TEDC1: variants seen among roughly 807,000 people sequenced by gnomAD.
TEDC1 encodes tubulin epsilon and delta complex protein 1.
A neutral mutation model predicts 59.9 loss-of-function variants in TEDC1; 54 were observed. The ratio of observed to expected loss-of-function variants is 0.90; its 90% CI spans 0.72 to 1.13. The LOEUF is 1.13. Among genes scored for constraint, TEDC1 ranks in the 50% most tolerant of loss-of-function variants. TEDC1 has a pLI of 0.00. For synonymous variants in TEDC1, 353 were observed against 298.1 expected (o/e 1.18, Z -1.90); for missense variants, 734 against 683.4 (o/e 1.07, Z -0.83).
rs782145151 is a variant in TEDC1, at chr14:105,497,937, G to A, written c.1118G>A (p.Arg373Gln). The A allele has an allele frequency of 1.2e-5, 19 of 1,546,522 alleles. No homozygotes were observed. Among genetic ancestry groups the A allele is most frequent in the East Asian group, 7.3e-5 (3 of 41,072 alleles). The change falls in exon 8 of 9, where the codon CGG becomes CAG. Residue 373 changes from arginine (R) to glutamine (Q), a missense_variant. Transcript: ENST00000392523. ...CTGCAGGCACTGGAGGAGGAGCTGC[G>A]GGAGGCTGCGGAGCGCAGGCGGGCG... Reference protein sequence around the residue: ...RELQALEEELREAAERRRAAW... With the variant: ...RELQALEEELQEAAERRRAAW...
intron 6 of TEDC1, chr14:105,496,773 C>G (rs587720773): frequency 6.3e-6 from 1 of 159,662 alleles, no homozygotes; most frequent in Non-Finnish European, 1.4e-5. Context: ...CCCTGCCTGA[C>G]CCTTCACTTG....
rs782791968 is a variant in TEDC1, at chr14:105,497,872, C to T, written c.1053C>T (p.Pro351=). 367 of 1,562,924 alleles carry T rather than the reference C, an allele frequency of 2.3e-4. No homozygotes were observed. Among genetic ancestry groups the T allele is most frequent in the Admixed American group, 5.0e-4 (26 of 52,220 alleles). Residue 351 remains proline, a synonymous_variant, in exon 8 of 9, where the codon CCC becomes CCT. Transcript: ENST00000392523. Reference sequence around the variant, plus strand: ...AGCCCACCTTCCTGCCCTGGGTCCCCGAGCGCGGGGGTGGCGAGTTGGACC... The same window carrying T: ...AGCCCACCTTCCTGCCCTGGGTCCCTGAGCGCGGGGGTGGCGAGTTGGACC... ...ASQPTFLPWV[P]ERGGGELDLV...
chr14:105,490,559 C>T (rs1395086864), upstream of TEDC1: 1 of 152,316 alleles, frequency 6.6e-6, no homozygotes, highest in Non-Finnish European at 1.5e-5. Flanking sequence ...CGGCTTCCTC[C>T]GGGGCTGCTC....
intron 8 of TEDC1, among the ~76,000 whole-genome samples, 181 bp downstream of exon 8, chr14:105,498,158 C>T (rs781977254): frequency 2.0e-5 from 3 of 152,210 alleles, no homozygotes; most frequent in African/African-American, 4.8e-5. Context: ...GCAGCTGCTG[C>T]GAGACAGCCC....
rs587620649 is a variant in TEDC1, at chr14:105,494,218, G to A, written c.684+285G>A. The A allele has an allele frequency of 2.9e-3, 1,517 of 516,710 alleles. 7 individuals carry two copies. The highest frequency in any genetic ancestry group is 4.4e-3 in the Non-Finnish European group (1,235 of 283,438). The allele number at this position is 516,710 out of a possible 1,614,324, so 32.0% of individuals were successfully genotyped here. A position where few individuals can be genotyped will look rare whatever the true frequency, so the allele number is the denominator to read the frequency against. ...TGGGCTGGGCAGGCAGCTGGCTAAGGGCAGGCTGTTGGAATAAAGGAACAC... is the reference window on the plus strand; with the variant it reads ...TGGGCTGGGCAGGCAGCTGGCTAAGAGCAGGCTGTTGGAATAAAGGAACAC... On this transcript the variant is annotated intron_variant, in intron 5 of 8. Coordinates refer to ENST00000392523, the MANE Select transcript of TEDC1 (RefSeq NM_001367178.1).
rs2084385298 is a variant in TEDC1, at chr14:105,497,965, C to T, written c.1146C>T (p.Ala382=). Reference sequence around the variant, plus strand: ...AGGCTGCGGAGCGCAGGCGGGCGGCCTGGGAGGCCAAGGTGAGTGCCAGCC... The same window carrying T: ...AGGCTGCGGAGCGCAGGCGGGCGGCTTGGGAGGCCAAGGTGAGTGCCAGCC... ...LREAAERRRA[A]WEAKAGGCGR... The change falls in exon 8 of 9, where the codon GCC becomes GCT. Residue 382 remains alanine, a synonymous_variant. Coordinates refer to ENST00000392523, the MANE Select transcript of TEDC1 (RefSeq NM_001367178.1). 1 of 1,531,480 alleles carries T rather than the reference C, an allele frequency of 6.5e-7. No individual in the cohort carries two copies. Among genetic ancestry groups the T allele is most frequent in the South Asian group, 1.2e-5 (1 of 83,140 alleles). 94.9% of individuals were successfully genotyped at this position (1,531,480 alleles called of 1,614,324 possible).
chr14:105,492,155 C>T lies in TEDC1; in HGVS notation c.275C>T (p.Pro92Leu), dbSNP rs781965220. Residue 92 changes from proline to leucine, a missense_variant, in exon 3 of 9, where the codon CCG becomes CTG. By Grantham distance (98) the Pro-to-Leu change is moderately conservative. Transcript: ENST00000392523. ...VKSALCSQGY[P>L]RLALAQLPED... ...TCAGCACTATGCTCCCAGGGCTACC[C>T]GAGGCTGGCACTGGCACAACTACCT... The T allele has an allele frequency of 4.9e-5, 79 of 1,612,752 alleles. No individual in the cohort carries two copies. In the Admixed American group the frequency reaches 6.0e-4, roughly 12 times the overall value.
At chr14:105,490,774 G>A (rs1478511837), upstream of TEDC1, 9 of 518,452 alleles carry the variant, frequency 1.7e-5, no homozygotes, top group East Asian at 3.6e-5. Flanking sequence ...CCTGGAAGGC[G>A]GCGCGATGGG....
Position 105,496,930 on chromosome 14 carries a change from C to A in TEDC1, c.892-427C>A. ...CTTGCTCCTTCGTTTGGGGCCTCCC[C>A]GTCCGCCTGCAGTCCCCGGATACAG... On this transcript the variant is annotated intron_variant, in intron 6 of 8. Coordinates refer to ENST00000392523, the MANE Select transcript of TEDC1 (RefSeq NM_001367178.1). 1.3e-5 allele frequency: 3 copies of A among 232,818 alleles called. 1 individual carries two copies. The South Asian group carries it at 1.6e-4, about 13-fold the overall frequency. 14.4% of individuals were successfully genotyped at this position (232,818 alleles called of 1,614,324 possible).
Position 105,497,994 on chromosome 14 carries a change from C to T in TEDC1, c.1158+17C>T. 1.3e-6 allele frequency: 2 copies of T among 1,503,690 alleles called. No individual in the cohort carries two copies. Among genetic ancestry groups the T allele is most frequent in the South Asian group, 1.2e-5 (1 of 80,606 alleles). The allele number at this position is 1,503,690 out of a possible 1,614,324, so 93.1% of individuals were successfully genotyped here. On this transcript the variant is annotated intron_variant, in intron 8 of 8. Transcript: ENST00000392523. ...GAGGCCAAGGTGAGTGCCAGCCTCGCTCTGGGCACCAGCCCAGCCCCACCT... is the reference window on the plus strand; with the variant it reads ...GAGGCCAAGGTGAGTGCCAGCCTCGTTCTGGGCACCAGCCCAGCCCCACCT...
rs200624465 is a variant in TEDC1 at position 105,498,788 on chromosome 14, C to T, written c.1330C>T (p.Arg444Trp). 4.4e-4 allele frequency: 702 copies of T among 1,580,158 alleles called. 3 individuals are homozygous for T. The highest frequency in any genetic ancestry group is 2.5e-3 in the South Asian group (219 of 86,652). The stretch of plus-strand genomic sequence containing the variant: ...ACGAGAGGATGGGGCAGCAGGGGAC[C>T]GGGACCTGCGGGCAGCTGTGGTGAT... ...VRREDGAAGD[R>W]DLRAAVVIRT... The change falls in exon 9 of 9, where the codon CGG (arginine) becomes TGG (tryptophan). Residue 444 changes from arginine to tryptophan, a missense_variant. Transcript: ENST00000392523.
intron 8 of TEDC1, among the ~76,000 whole-genome samples, chr14:105,498,200 T>C (rs587611418): frequency 6.6e-6 from 1 of 152,324 alleles, no homozygotes; most frequent in East Asian, 1.9e-4. Context: ...TGTTGTCTGA[T>C]TCTTTGCATG....
chr14:105,491,026 T>G (rs960362199), upstream of TEDC1: 9 of 1,550,606 alleles, frequency 5.8e-6, no homozygotes, highest in Admixed American at 2.0e-5. Flanking sequence ...CAGAATAGAC[T>G]ACACTCAAAC....
chr14:105,491,998 A>G (rs1198696440), intron 2 of TEDC1, 109 bp from the exon 3 acceptor site: 2 of 1,175,512 alleles, frequency 1.7e-6, no homozygotes, highest in Non-Finnish European at 2.4e-6. Context: ...TCTCTTCTGA[A>G]CTAGGCCTTG....
rs587609352 is a variant in TEDC1 at position 105,497,704 on chromosome 14, G to A, written c.979-94G>A. 3.6e-5 allele frequency: 50 copies of A among 1,406,232 alleles called. No individual in the cohort carries two copies. In the South Asian group the frequency reaches 4.8e-4, roughly 13 times the overall value. The allele number at this position is 1,406,232 out of a possible 1,614,324, so 87.1% of individuals were successfully genotyped here. ...TTGCTGAGATGGTGGCATCCAGCCC[G>A]CTGTGGGACCTGGGGGACTACCACT... is the stretch of plus-strand genomic sequence containing the variant. On this transcript the variant is annotated intron_variant, in intron 7 of 8. Transcript: ENST00000392523.
intron 6 of TEDC1, chr14:105,496,351 C>T: frequency 2.0e-6 from 1 of 504,518 alleles, no homozygotes; most frequent in South Asian, 2.2e-5. Context: ...TCCCACACCG[C>T]CCACAGACCT....
upstream of TEDC1, chr14:105,490,982 C>T (rs587667071): frequency 8.1e-5 from 122 of 1,515,180 alleles, 2 homozygotes; most frequent in South Asian, 1.3e-3. Flanking sequence ...TATCAACAGC[C>T]CTGCCAGGAG....
At position 105,491,459 on chromosome 14, in the gene TEDC1, G is replaced by T. The variant is rs1555439239; in HGVS notation, c.84G>T (p.Arg28=). Reference sequence around the variant, plus strand: ...CTGAGGCCATCGCCGCGTTGAGTCGGTCGCTGCCCTCGGGACCCAGCCCCG... The same window carrying T: ...CTGAGGCCATCGCCGCGTTGAGTCGTTCGCTGCCCTCGGGACCCAGCCCCG... ...ALPEAIAALS[R]SLPSGPSPEI... is the part of the protein sequence containing the mutation. The change falls in exon 1 of 9, where the codon CGG becomes CGT. Residue 28 remains arginine (R), a synonymous_variant. Transcript: ENST00000392523. 3 of 1,464,240 alleles carry T rather than the reference G, an allele frequency of 2.0e-6. No individual in the cohort carries two copies. In the East Asian group the frequency reaches 7.8e-5, roughly 38 times the overall value. 90.7% of individuals were successfully genotyped at this position (1,464,240 alleles called of 1,614,324 possible).
Position 105,497,426 on chromosome 14 carries a change from G to T in TEDC1, c.961G>T (p.Val321Phe), listed in dbSNP as rs782356830. The T allele has an allele frequency of 6.5e-7, 1 of 1,549,332 alleles. No homozygotes were observed. The highest frequency in any genetic ancestry group is 8.7e-7 in the Non-Finnish European group (1 of 1,148,458). Reference protein sequence around the residue: ...AVLAWRRSELVFWRWMDTVLG... With the variant: ...AVLAWRRSELFFWRWMDTVLG... ...CCTGGCGTGGCGGCGCTCTGAGCTG[G>T]TCTTCTGGCGGTGGATGGTGAGGAA... The change falls in exon 7 of 9, where the codon GTC (valine) becomes TTC (phenylalanine). Residue 321 changes from valine to phenylalanine, a missense_variant. By Grantham distance (50) the Val-to-Phe change is conservative. Coordinates refer to ENST00000392523, the MANE Select transcript of TEDC1 (RefSeq NM_001367178.1).
Sources: allele counts gnomAD v4.1 joint callset (sites outside exome capture counted in the v4.1 genomes callset), GRCh38; gene constraint gnomAD v4.1.1; transcripts MANE v1.5; gene names NCBI Gene and HGNC (gene_info 2026-07-23, HGNC 2026-07-21).